RHBDL3: variants seen among roughly 807,000 people sequenced by gnomAD.
The protein encoded by RHBDL3 is rhomboid like 3.
A neutral mutation model predicts 48.2 loss-of-function variants in RHBDL3; 28 were observed. The ratio of observed to expected loss-of-function variants is 0.58; its 90% CI spans 0.43 to 0.80. The LOEUF (loss-of-function observed/expected upper bound fraction) is 0.80. RHBDL3 is among the 30% of genes least tolerant of loss of function. RHBDL3 has a pLI of 0.00. For synonymous variants in RHBDL3, 208 were observed against 232.3 expected (o/e 0.90, Z 0.95); for missense variants, 464 against 542.7 (o/e 0.85, Z 1.44).
rs544797537 is a variant in RHBDL3, at chr17:32,267,314, G to A, written c.112-588G>A. Among the ~76,000 whole-genome samples the A allele has an allele frequency of 1.4e-4, 22 of 152,132 alleles. No individual in the cohort carries two copies. The South Asian group carries it at 2.5e-3, about 17-fold the overall frequency. ...ACTCAGCCTTGGAAGAGAATGGGTG[G>A]GCTTCACCGCATTCGGCATTCACCA... On this transcript the variant is annotated intron_variant, in intron 1 of 8. Coordinates refer to ENST00000269051, the MANE Select transcript of RHBDL3 (RefSeq NM_138328.3).
chr17:32,284,826 T>C lies in RHBDL3; in HGVS notation c.294+9T>C, dbSNP rs761346907. The C allele has an allele frequency of 6.2e-7, 1 of 1,612,380 alleles. No homozygotes were observed. The highest frequency in any genetic ancestry group is 1.1e-5 in the South Asian group (1 of 91,046). On this transcript the variant is annotated intron_variant, in intron 3 of 8. Transcript: ENST00000269051. ...AGGATTTTGTCAGCCTAGTGAGTGCTCTGGGGCCCTTGGTACTCGGGGGGA... is the reference window on the plus strand; with the variant it reads ...AGGATTTTGTCAGCCTAGTGAGTGCCCTGGGGCCCTTGGTACTCGGGGGGA...
chr17:32,308,618 AAAAG>A (rs1192578654), intron 7 of RHBDL3, among the ~76,000 whole-genome samples: 17 of 152,324 alleles, frequency 1.1e-4, no homozygotes, highest in East Asian at 1.9e-4. Flanking sequence ...TGTCTCAAAA[AAAAG>A]AAAGAAAGAA....
intron 7 of RHBDL3, among the ~76,000 whole-genome samples, chr17:32,315,188 G>A (rs943440582): frequency 1.3e-5 from 2 of 152,238 alleles, no homozygotes; most frequent in African/African-American, 4.8e-5. Context: ...AGTGCCACAC[G>A]TGCCCCCGAG....
intron 6 of RHBDL3, among the ~76,000 whole-genome samples, chr17:32,304,307 G>A (rs2040657513): frequency 6.6e-6 from 1 of 152,234 alleles, no homozygotes. Context: ...GAGGAAGGGT[G>A]GACGTAACCC....
chr17:32,269,703 C>T (rs1235102855), intron 2 of RHBDL3, among the ~76,000 whole-genome samples: 3 of 152,268 alleles, frequency 2.0e-5, no homozygotes, highest in Admixed American at 6.5e-5. Context: ...CAGCCCTTCA[C>T]ACCTCCTGCC....
At chr17:32,269,647 C>T (rs1446507345) in intron 2 of RHBDL3, among the ~76,000 whole-genome samples, 1 of 152,238 alleles carries the variant, frequency 6.6e-6, no homozygotes, top group African/African-American at 2.4e-5. Context: ...TGCCCCAAGG[C>T]AGGAGGGAGC....
At chr17:32,282,791 T>A (rs1326146608) in intron 2 of RHBDL3, among the ~76,000 whole-genome samples, 1 of 152,018 alleles carries the variant, frequency 6.6e-6, no homozygotes, top group African/African-American at 2.4e-5. Flanking sequence ...CCCGGCTAAT[T>A]TTTTGTATTT....
intron 2 of RHBDL3, among the ~76,000 whole-genome samples, chr17:32,283,815 A>C (rs1472150212): frequency 2.0e-5 from 3 of 152,174 alleles, no homozygotes; most frequent in Non-Finnish European, 4.4e-5. Context: ...GGAGGAGGCA[A>C]AAGCAGACAG....
At chr17:32,267,984 T>G in intron 2 of RHBDL3, 59 bp downstream of exon 2, 1 of 1,373,978 alleles carries the variant, frequency 7.3e-7, no homozygotes, top group Non-Finnish European at 1.0e-6. Context: ...GGTCTCAGTC[T>G]CCCTGCTTGC....
chr17:32,306,896 G>A (rs2040724038), intron 7 of RHBDL3, among the ~76,000 whole-genome samples: 1 of 152,098 alleles, frequency 6.6e-6, no homozygotes, highest in Non-Finnish European at 1.5e-5. Flanking sequence ...ACACCAGCCT[G>A]GGAAACAGAG....
chr17:32,280,721 GCCTTGTTCCTTGCTACC>G (rs2040021801), intron 2 of RHBDL3: 1 of 152,122 alleles, frequency 6.6e-6, no homozygotes, highest in African/African-American at 2.4e-5. Flanking sequence ...CATGAGGTTT[GCCTTGTTCCTTGCTACC>G]CCTGAGTGAG....
intron 3 of RHBDL3, among the ~76,000 whole-genome samples, chr17:32,286,998 T>A (rs2040212941): frequency 6.6e-6 from 1 of 152,188 alleles, no homozygotes; most frequent in Admixed American, 6.5e-5. Context: ...GTTTACTAAG[T>A]ATGAGTACCC....
At position 32,323,628 on chromosome 17, in the gene RHBDL3, A is replaced by C. The variant is rs1036300354; in HGVS notation, c.*2399A>C. The C allele has an allele frequency of 2.6e-5, 4 of 152,164 alleles. No individual in the cohort carries two copies. Among genetic ancestry groups the C allele is most frequent in the African/African-American group, 4.8e-5 (2 of 41,378 alleles). The allele number at this position is 152,164 out of a possible 1,614,324, so 9.4% of individuals were successfully genotyped here. A position where few individuals can be genotyped will look rare whatever the true frequency, so the allele number is the denominator to read the frequency against. ...GAAGATTCTAGAAATCCCTCATAGA[A>C]GCACTCAGCTCCCTCGGGGACTCCC... On this transcript the variant is annotated 3_prime_UTR_variant, in exon 9 of 9. Transcript: ENST00000269051.
intron 1 of RHBDL3, among the ~76,000 whole-genome samples, chr17:32,267,074 T>TG (rs1567757808): frequency 6.6e-6 from 1 of 151,594 alleles, no homozygotes; most frequent in Non-Finnish European, 1.5e-5. Context: ...CACATAGGGG[T>TG]GAAAAACCGG....
chr17:32,318,779 G>T (rs1258310486), intron 8 of RHBDL3, among the ~76,000 whole-genome samples: 1 of 152,146 alleles, frequency 6.6e-6, no homozygotes, highest in East Asian at 1.9e-4. Flanking sequence ...AACCTGGGAT[G>T]GAGGGTCAGG....
At chr17:32,279,204 G>T (rs544635903) in intron 2 of RHBDL3, among the ~76,000 whole-genome samples, 1 of 152,312 alleles carries the variant, frequency 6.6e-6, no homozygotes, top group East Asian at 1.9e-4. Context: ...AAACCAGGGT[G>T]TGTGGTGGCC....
chr17:32,267,658 G>GGCCCCC, intron 1 of RHBDL3: 1 of 375,458 alleles, frequency 2.7e-6, no homozygotes, highest in Non-Finnish European at 4.2e-6. Flanking sequence ...CCACCTTGCC[G>GGCCCCC]CCCCCGCCCC....
intron 2 of RHBDL3, among the ~76,000 whole-genome samples, chr17:32,278,846 G>A (rs896166533): frequency 6.6e-6 from 1 of 152,180 alleles, no homozygotes; most frequent in Non-Finnish European, 1.5e-5. Flanking sequence ...CACACTCAAG[G>A]CTGGGCAGGG....
At chr17:32,320,267 C>T (rs2041091990) in intron 8 of RHBDL3, among the ~76,000 whole-genome samples, 1 of 152,066 alleles carries the variant, frequency 6.6e-6, no homozygotes. Context: ...CCTGTGTCAA[C>T]AAGAACAACA....
Sources: gnomAD v4.1 joint callset for allele counts (sites outside exome capture counted in the v4.1 genomes callset) on GRCh38, gnomAD v4.1.1 for gene constraint, MANE v1.5 for transcripts, NCBI Gene and HGNC (gene_info 2026-07-23, HGNC 2026-07-21) for gene names.